Variants in RAB3C observed in about 807,000 individuals in gnomAD.
The protein encoded by RAB3C is ras-related protein Rab-3C.
RAB3C carries 17 observed loss-of-function variants against 26.4 expected under a neutral mutation model. The observed-to-expected ratio is 0.64, with a 90% confidence interval of 0.44 to 0.97. The LOEUF (loss-of-function observed/expected upper bound fraction) is 0.97, where lower values mean the gene tolerates loss of function less well. RAB3C is among the 50% of genes least tolerant of loss of function. The pLI is 0.00. For synonymous variants in RAB3C, 91 were observed against 95.9 expected, an observed-to-expected ratio of 0.95 and a Z score of 0.30; for missense variants, 242 against 281.9, an observed-to-expected ratio of 0.86 and a Z score of 1.01.
intron 3 of RAB3C, chr5:58,822,972 C>G: frequency 1.6e-6 from 1 of 627,974 alleles, no homozygotes; most frequent in Non-Finnish European, 3.0e-6. Flanking sequence ...AGAACCATCA[C>G]TGGCAATAAA....
intron 2 of RAB3C, among the ~76,000 whole-genome samples, chr5:58,674,932 CAT>C (rs1748192975): frequency 6.6e-6 from 1 of 152,020 alleles, no homozygotes; most frequent in Admixed American, 6.6e-5. Flanking sequence ...CCAAAAGCAC[CAT>C]GACTTTATGC....
chr5:58,744,965 G>A (rs929677684), intron 3 of RAB3C, among the ~76,000 whole-genome samples: 8 of 152,102 alleles, frequency 5.3e-5, no homozygotes, highest in African/African-American at 1.9e-4. Context: ...CATTATTGGG[G>A]AATCAACCTT....
At chr5:58,637,996 T>C (rs536455584) in intron 2 of RAB3C, among the ~76,000 whole-genome samples, 1 of 152,248 alleles carries the variant, frequency 6.6e-6, no homozygotes, top group South Asian at 2.1e-4. Context: ...ATTACTGGCT[T>C]TTCTTTTTTC....
upstream of RAB3C, among the ~76,000 whole-genome samples, chr5:58,582,579 C>T (rs1055729407): frequency 6.6e-6 from 1 of 152,130 alleles, no homozygotes; most frequent in Non-Finnish European, 1.5e-5. Context: ...TCGTCTTTCT[C>T]CCCTACGTTT....
At chr5:58,689,430 GA>G (rs1748515386) in intron 2 of RAB3C, 1 of 152,088 alleles carries the variant, frequency 6.6e-6, no homozygotes, top group Admixed American at 6.6e-5. Flanking sequence ...TTTGTAACCA[GA>G]TAATTTAGAG....
At chr5:58,755,386 C>A (rs1372846863) in intron 3 of RAB3C, among the ~76,000 whole-genome samples, 1 of 152,164 alleles carries the variant, frequency 6.6e-6, no homozygotes, top group African/African-American at 2.4e-5. Context: ...GAGTGGGATA[C>A]ACTTTGTGTA....
intron 2 of RAB3C, among the ~76,000 whole-genome samples, chr5:58,629,206 A>G (rs973045465): frequency 1.3e-5 from 2 of 152,030 alleles, no homozygotes; most frequent in African/African-American, 4.8e-5. Context: ...TCCTCCGTCA[A>G]TTACCCATTT....
chr5:58,595,839 A>G (rs578137536), intron 1 of RAB3C, among the ~76,000 whole-genome samples: 3 of 152,138 alleles, frequency 2.0e-5, no homozygotes, highest in Non-Finnish European at 4.4e-5. Context: ...TGTATATTTT[A>G]TCATATCCAC....
intron 3 of RAB3C, among the ~76,000 whole-genome samples, chr5:58,748,667 A>G (rs2111959001): frequency 6.6e-6 from 1 of 152,298 alleles, no homozygotes; most frequent in East Asian, 1.9e-4. Context: ...TACATATGAA[A>G]TAATATGTCC....
At chr5:58,779,958 G>A (rs968230230) in intron 3 of RAB3C, among the ~76,000 whole-genome samples, 1 of 152,154 alleles carries the variant, frequency 6.6e-6, no homozygotes, top group Non-Finnish European at 1.5e-5. Flanking sequence ...ATTTTGCACA[G>A]AGGAAGGGAG....
At chr5:58,595,102 A>G (rs2111665367) in intron 1 of RAB3C, among the ~76,000 whole-genome samples, 1 of 152,262 alleles carries the variant, frequency 6.6e-6, no homozygotes, top group East Asian at 1.9e-4. Context: ...ATTTTTAAAA[A>G]TGACTGATGG....
intron 2 of RAB3C, chr5:58,644,490 A>T (rs1304141463): frequency 1.3e-5 from 2 of 152,142 alleles, no homozygotes; most frequent in African/African-American, 4.8e-5. Context: ...GACATCAGGC[A>T]CCGGGAGAAA....
chr5:58,825,699 A>G (rs1246267370), intron 4 of RAB3C, among the ~76,000 whole-genome samples: 1 of 152,300 alleles, frequency 6.6e-6, no homozygotes, highest in East Asian at 1.9e-4. Context: ...GTCCTTGTAG[A>G]TAAGATCAAA....
chr5:58,810,552 A>C (rs1236521990), intron 3 of RAB3C, among the ~76,000 whole-genome samples: 1 of 152,164 alleles, frequency 6.6e-6, no homozygotes, highest in African/African-American at 2.4e-5. Context: ...ATACTTCAAG[A>C]ATGGATGGTA....
chr5:58,850,070 A>G (rs1744082372), intron 4 of RAB3C, among the ~76,000 whole-genome samples: 1 of 152,190 alleles, frequency 6.6e-6, no homozygotes, highest in South Asian at 2.1e-4. Flanking sequence ...CGTCCCCTGA[A>G]TGGACCAGAG....
chr5:58,840,040 G>C (rs373318512), intron 4 of RAB3C, among the ~76,000 whole-genome samples: 2 of 151,730 alleles, frequency 1.3e-5, no homozygotes, highest in African/African-American at 4.8e-5. Context: ...TTCTCTGTCT[G>C]CTATGATTTT....
intron 3 of RAB3C, among the ~76,000 whole-genome samples, chr5:58,747,906 A>C (rs1322286933): frequency 6.6e-6 from 1 of 152,098 alleles, no homozygotes; most frequent in Non-Finnish European, 1.5e-5. Flanking sequence ...TCCTTATTAA[A>C]TAAACACTTT....
chr5:58,737,845 A>T (rs1311821125), intron 3 of RAB3C, among the ~76,000 whole-genome samples: 2 of 151,840 alleles, frequency 1.3e-5, no homozygotes, highest in Non-Finnish European at 2.9e-5. Flanking sequence ...CTTATATGAG[A>T]CTCTTCTTCC....
chr5:58,723,017 T>C (rs1261611923), intron 2 of RAB3C, among the ~76,000 whole-genome samples: 1 of 151,866 alleles, frequency 6.6e-6, no homozygotes, highest in Non-Finnish European at 1.5e-5. Flanking sequence ...TCAATAATTT[T>C]TACTATTAGA....
Sources: gnomAD v4.1 joint callset for allele counts (sites outside exome capture counted in the v4.1 genomes callset) on GRCh38, gnomAD v4.1.1 for gene constraint, MANE v1.5 for transcripts, NCBI Gene and HGNC (gene_info 2026-07-23, HGNC 2026-07-21) for gene names.